The following ANKRD44 variants were observed in gnomAD, a reference collection of about 807,000 sequenced individuals.
ANKRD44 encodes serine/threonine-protein phosphatase 6 regulatory ankyrin repeat subunit B.
A neutral mutation model predicts 116.0 loss-of-function variants in ANKRD44; 35 were observed. That is an observed-to-expected ratio of 0.30 (90% CI 0.23 to 0.40). The LOEUF (loss-of-function observed/expected upper bound fraction) is 0.40. Among genes scored for constraint, ANKRD44 ranks in the 10% least tolerant of loss-of-function variants. The probability of loss-of-function intolerance (pLI) is 1.00; values close to 1 mark genes in which losing one functional copy is unlikely to be tolerated. For synonymous variants in ANKRD44, 435 were observed against 461.8 expected, an observed-to-expected ratio of 0.94 and a Z score of 0.74; for missense variants, 1,014 against 1,242.6, an observed-to-expected ratio of 0.82 and a Z score of 2.77.
At chr2:197,187,573 G>C (rs942544996) in intron 1 of ANKRD44, among the ~76,000 whole-genome samples, 1 of 151,672 alleles carries the variant, frequency 6.6e-6, no homozygotes, top group African/African-American at 2.4e-5. Flanking sequence ...AGGTCGTAAG[G>C]GTGTGGCCCT....
chr2:197,029,838 CG>C, intron 16 of ANKRD44: 1 of 277,984 alleles, frequency 3.6e-6, no homozygotes. Flanking sequence ...CTTCAACCAC[CG>C]AAGGAAGTTC....
At position 197,086,559 on chromosome 2, in the gene ANKRD44, G is replaced by T. The variant is rs554544769; in HGVS notation, c.1316+121C>A. The T allele has an allele frequency of 7.3e-5, 62 of 845,138 alleles. No individual in the cohort carries two copies. In the South Asian group the frequency reaches 9.1e-4, roughly 12 times the overall value. The allele number at this position is 845,138 out of a possible 1,614,324, so 52.4% of individuals were successfully genotyped here. A position where few individuals can be genotyped will look rare whatever the true frequency, so the allele number is the denominator to read the frequency against. On this transcript the variant is annotated intron_variant, in intron 13 of 27. Coordinates refer to ENST00000282272, the MANE Select transcript of ANKRD44 (RefSeq NM_001195144.2). The stretch of plus-strand genomic sequence containing the variant: ...CTATGAGAAGGGACTTCCTTCCGAG[G>T]AGGATGGAATCCCCCCAGCTAACTT...
chr2:196,992,617 G>T (rs973132671), intron 27 of ANKRD44: 3 of 152,732 alleles, frequency 2.0e-5, no homozygotes, highest in African/African-American at 7.2e-5. Flanking sequence ...GAGGGAAGGT[G>T]AGGCGGGAAA....
chr2:197,009,113 G>T, intron 18 of ANKRD44, 82 bp from the exon 19 acceptor site: 2 of 1,189,540 alleles, frequency 1.7e-6, no homozygotes, highest in Non-Finnish European at 2.5e-6. Context: ...TTTTTTTTGA[G>T]ATGGAGTCTT....
At chr2:197,160,222 A>G (rs1027454029) in intron 2 of ANKRD44, among the ~76,000 whole-genome samples, 1 of 152,180 alleles carries the variant, frequency 6.6e-6, no homozygotes, top group Non-Finnish European at 1.5e-5. Flanking sequence ...TTTCATTCTA[A>G]AATGAAAAAT....
chr2:197,156,661 T>C (rs142076273), intron 2 of ANKRD44, among the ~76,000 whole-genome samples: 5 of 152,354 alleles, frequency 3.3e-5, no homozygotes, highest in African/African-American at 1.2e-4. Flanking sequence ...TGAGTATTCC[T>C]AACAGCTTTA....
chr2:197,146,974 T>C, intron 3 of ANKRD44, 53 bp downstream of exon 3: 1 of 1,525,662 alleles, frequency 6.6e-7, no homozygotes, highest in Non-Finnish European at 9.0e-7. Context: ...TCTAGTAAAT[T>C]GGTTATTTAA....
chr2:197,004,348 G>C (rs1260405575), intron 21 of ANKRD44, among the ~76,000 whole-genome samples: 1 of 151,826 alleles, frequency 6.6e-6, no homozygotes, highest in African/African-American at 2.4e-5. Context: ...TCCTAAACAA[G>C]GAACAAAAAT....
intron 8 of ANKRD44, among the ~76,000 whole-genome samples, chr2:197,115,169 G>A (rs987532330): frequency 6.6e-6 from 1 of 152,154 alleles, no homozygotes; most frequent in East Asian, 1.9e-4. Context: ...CCATGCACAG[G>A]CTAAATGTCA....
chr2:197,180,738 A>C (rs995392235), intron 2 of ANKRD44, among the ~76,000 whole-genome samples: 2 of 152,220 alleles, frequency 1.3e-5, no homozygotes, highest in Non-Finnish European at 1.5e-5. Flanking sequence ...AATCAAGCAG[A>C]GAAAAACTTA....
intron 1 of ANKRD44, among the ~76,000 whole-genome samples, chr2:197,308,783 ACT>A (rs2084151760): frequency 6.6e-6 from 1 of 152,224 alleles, no homozygotes; most frequent in Non-Finnish European, 1.5e-5. Context: ...TACACTTCTC[ACT>A]AGGGTTGATC....
At chr2:197,175,556 G>A (rs896667752) in intron 2 of ANKRD44, among the ~76,000 whole-genome samples, 16 of 152,122 alleles carry the variant, frequency 1.1e-4, no homozygotes, top group African/African-American at 3.9e-4. Flanking sequence ...ATGTACTAGT[G>A]TCACCCTTCT....
intron 1 of ANKRD44, among the ~76,000 whole-genome samples, chr2:197,266,688 T>G (rs1277139896): frequency 6.6e-6 from 1 of 151,412 alleles, no homozygotes; most frequent in Non-Finnish European, 1.5e-5. Flanking sequence ...ATTCTGCCAT[T>G]TCCCCACCAG....
chr2:197,024,327 G>GA (rs2076550676), intron 17 of ANKRD44, among the ~76,000 whole-genome samples: 1 of 152,212 alleles, frequency 6.6e-6, no homozygotes, highest in African/African-American at 2.4e-5. Context: ...ACTAAGCAAA[G>GA]AAGCATCCAA....
intron 1 of ANKRD44, chr2:197,199,225 T>A (rs1047988872): frequency 1.3e-5 from 2 of 151,962 alleles, no homozygotes; most frequent in Non-Finnish European, 2.9e-5. Context: ...AAAAAAAATG[T>A]ATCTTTACGT....
intron 2 of ANKRD44, among the ~76,000 whole-genome samples, chr2:197,164,034 G>A (rs1005801521): frequency 2.6e-5 from 4 of 152,158 alleles, no homozygotes; most frequent in Non-Finnish European, 5.9e-5. Flanking sequence ...GTCACGTGGA[G>A]TCCTTACTCT....
intron 1 of ANKRD44, among the ~76,000 whole-genome samples, chr2:197,199,783 A>G (rs2081052092): frequency 6.6e-6 from 1 of 152,188 alleles, no homozygotes; most frequent in South Asian, 2.1e-4. Flanking sequence ...ATAATGATGT[A>G]CTGAGGACAT....
chr2:197,250,172 T>C (rs2082283539), intron 1 of ANKRD44, among the ~76,000 whole-genome samples: 1 of 152,216 alleles, frequency 6.6e-6, no homozygotes, highest in Non-Finnish European at 1.5e-5. Flanking sequence ...GTCCAGGCTC[T>C]GACCATCTTC....
chr2:197,062,061 G>T (rs1328623193), intron 16 of ANKRD44, among the ~76,000 whole-genome samples: 2 of 152,174 alleles, frequency 1.3e-5, no homozygotes, highest in Non-Finnish European at 2.9e-5. Flanking sequence ...GATTATAGGC[G>T]TGAGCCACCA....
Sources: allele counts gnomAD v4.1 joint callset (sites outside exome capture counted in the v4.1 genomes callset), GRCh38; gene constraint gnomAD v4.1.1; transcripts MANE v1.5; gene names NCBI Gene and HGNC (gene_info 2026-07-23, HGNC 2026-07-21).